Variants in TNKS observed in about 807,000 individuals in gnomAD.
The protein encoded by TNKS is poly [ADP-ribose] polymerase tankyrase-1.
Under a neutral mutation model 135.8 loss-of-function variants are expected in TNKS, and 72 were observed. The ratio of observed to expected loss-of-function variants is 0.53; its 90% CI spans 0.44 to 0.64. The LOEUF (loss-of-function observed/expected upper bound fraction) is 0.64, where lower values mean the gene tolerates loss of function less well. Among genes scored for constraint, TNKS ranks in the 30% least tolerant of loss-of-function variants. The probability of loss-of-function intolerance (pLI) is 0.00; values close to 1 mark genes in which losing one functional copy is unlikely to be tolerated. For missense variants in TNKS, 1,769 were observed against 1,674.0 expected (o/e 1.06, Z -0.99); for synonymous variants, 849 against 649.3 (o/e 1.31, Z -4.68).
chr8:9,636,349 G>A (rs971351922), intron 3 of TNKS, among the ~76,000 whole-genome samples: 1 of 151,230 alleles, frequency 6.6e-6, no homozygotes, highest in Admixed American at 6.6e-5. Flanking sequence ...AAGTTATGTG[G>A]TCATGCCATC....
At chr8:9,667,011 T>C (rs1156299102) in intron 3 of TNKS, among the ~76,000 whole-genome samples, 1 of 152,214 alleles carries the variant, frequency 6.6e-6, no homozygotes, top group Non-Finnish European at 1.5e-5. Context: ...TCTGGAATGA[T>C]TTAGTTCTTG....
At chr8:9,636,077 A>G (rs1423242921) in intron 3 of TNKS, among the ~76,000 whole-genome samples, 6 of 152,220 alleles carry the variant, frequency 3.9e-5, no homozygotes, top group Non-Finnish European at 8.8e-5. Context: ...TACTAAACGC[A>G]AGGAGAAATA....
At position 9,708,406 on chromosome 8, in the gene TNKS, A is replaced by G. The variant is rs760164944; in HGVS notation, c.1492A>G (p.Arg498Gly). 1 of 1,609,732 alleles carries G rather than the reference A, an allele frequency of 6.2e-7. No individual in the cohort carries two copies. Among genetic ancestry groups the G allele is most frequent in the Non-Finnish European group, 8.5e-7 (1 of 1,177,828 alleles). ...FKGHSLLQAA[R>G]EADLAKVKKT... The stretch of plus-strand genomic sequence containing the variant: ...AGGTCATTCTTTACTACAAGCAGCC[A>G]GAGAAGCAGACTTAGCTAAAGTTAA... The change falls in exon 9 of 27, where the codon AGA becomes GGA. Residue 498 changes from arginine (R) to glycine (G), a missense_variant. By Grantham distance (125) the Arg-to-Gly change is moderately radical. Transcript: ENST00000310430.
intron 2 of TNKS, among the ~76,000 whole-genome samples, chr8:9,586,555 C>T (rs1798384511): frequency 6.6e-6 from 1 of 152,084 alleles, no homozygotes; most frequent in African/African-American, 2.4e-5. Flanking sequence ...AAGTAGGGGA[C>T]ATACCTTAGC....
At chr8:9,664,691 C>G (rs1382755143) in intron 3 of TNKS, among the ~76,000 whole-genome samples, 1 of 152,144 alleles carries the variant, frequency 6.6e-6, no homozygotes, top group African/African-American at 2.4e-5. Context: ...ATTTAGAGAA[C>G]TGAAGATGGT....
At chr8:9,575,435 A>G (rs1248927695) in intron 1 of TNKS, 10 of 984,968 alleles carry the variant, frequency 1.0e-5, no homozygotes, top group Non-Finnish European at 1.1e-5. Context: ...ATCTAGACTT[A>G]TTCTAAAGTT....
chr8:9,771,260 A>C (rs776336884), intron 26 of TNKS, among the ~76,000 whole-genome samples: 37 of 132,702 alleles, frequency 2.8e-4, no homozygotes, highest in Non-Finnish European at 1.1e-4. Context: ...GGAGGAAGGA[A>C]GTGAGGGAGG....
intron 2 of TNKS, among the ~76,000 whole-genome samples, chr8:9,609,454 G>C (rs1222053770): frequency 6.6e-6 from 1 of 152,142 alleles, no homozygotes; most frequent in African/African-American, 2.4e-5. Context: ...TTGTTGTGTG[G>C]GGAACAGTCT....
chr8:9,615,505 C>T, intron 2 of TNKS, 77 bp from the exon 3 acceptor site: 1 of 1,233,832 alleles, frequency 8.1e-7, no homozygotes, highest in East Asian at 2.6e-5. Flanking sequence ...ATGCCTACAC[C>T]ATGCCGAGAC....
intron 18 of TNKS, among the ~76,000 whole-genome samples, chr8:9,750,551 C>G (rs1388932670): frequency 6.6e-6 from 1 of 152,154 alleles, no homozygotes; most frequent in African/African-American, 2.4e-5. Context: ...GCATTAGTCC[C>G]CTTTCTCTCG....
chr8:9,637,748 A>C (rs989400321), intron 3 of TNKS, among the ~76,000 whole-genome samples: 5 of 152,214 alleles, frequency 3.3e-5, no homozygotes, highest in African/African-American at 1.2e-4. Flanking sequence ...AAAGAAAAAC[A>C]AAAACACATG....
chr8:9,602,137 G>A (rs1164570508), intron 2 of TNKS, among the ~76,000 whole-genome samples: 1 of 152,138 alleles, frequency 6.6e-6, no homozygotes, highest in African/African-American at 2.4e-5. Flanking sequence ...ATAACACACA[G>A]GACAGCTCCC....
chr8:9,591,106 C>G (rs1315766984), intron 2 of TNKS, among the ~76,000 whole-genome samples: 1 of 152,182 alleles, frequency 6.6e-6, no homozygotes, highest in Admixed American at 6.5e-5. Flanking sequence ...AACGTCATGC[C>G]TTTGCATGTG....
At position 9,695,576 on chromosome 8, in the gene TNKS, T is replaced by C. The variant is rs550246869; in HGVS notation, c.1108-9087T>C. Among the ~76,000 whole-genome samples the C allele has an allele frequency of 2.0e-5, 3 of 152,288 alleles. No homozygotes were observed. The East Asian group carries it at 5.8e-4, about 30-fold the overall frequency. On this transcript the variant is annotated intron_variant, in intron 5 of 26. Transcript: ENST00000310430. ...TGAGATGAAGACCCACTGGAAGATT[T>C]TGAGCACAAGATTTGTATACCTAAC...
At chr8:9,693,234 C>T (rs1474389560) in intron 5 of TNKS, among the ~76,000 whole-genome samples, 1 of 152,092 alleles carries the variant, frequency 6.6e-6, no homozygotes, top group African/African-American at 2.4e-5. Context: ...AAATACTGTA[C>T]AGCTCTTACA....
chr8:9,650,039 T>A (rs945251395), intron 3 of TNKS, among the ~76,000 whole-genome samples: 1 of 151,782 alleles, frequency 6.6e-6, no homozygotes, highest in Non-Finnish European at 1.5e-5. Context: ...ATTACAGGCA[T>A]GTGCCACCAT....
intron 5 of TNKS, among the ~76,000 whole-genome samples, chr8:9,704,008 C>G (rs1370496051): frequency 1.3e-5 from 2 of 152,164 alleles, no homozygotes; most frequent in African/African-American, 4.8e-5. Context: ...AAACTGTATT[C>G]CTCTCTTGTC....
At chr8:9,671,561 G>A (rs1314182760) in intron 3 of TNKS, among the ~76,000 whole-genome samples, 2 of 152,066 alleles carry the variant, frequency 1.3e-5, no homozygotes, top group East Asian at 3.8e-4. Context: ...AATAAAACTG[G>A]GGACAGAAAT....
intron 17 of TNKS, among the ~76,000 whole-genome samples, chr8:9,745,137 T>A (rs1468262359): frequency 6.6e-6 from 1 of 152,230 alleles, no homozygotes; most frequent in Non-Finnish European, 1.5e-5. Context: ...TTGGGTTAAC[T>A]TAACAAAAAT....
Sources: gnomAD v4.1 joint callset for allele counts (sites outside exome capture counted in the v4.1 genomes callset) on GRCh38, gnomAD v4.1.1 for gene constraint, MANE v1.5 for transcripts, NCBI Gene and HGNC (gene_info 2026-07-23, HGNC 2026-07-21) for gene names.